Variants in NLRP9 observed in about 807,000 individuals in gnomAD.
The protein encoded by NLRP9 is NLR family pyrin domain containing 9.
Under a neutral mutation model 83.1 loss-of-function variants are expected in NLRP9, and 88 were observed. The observed-to-expected ratio is 1.06, with a 90% CI of 0.89 to 1.26. The LOEUF (loss-of-function observed/expected upper bound fraction) is 1.26. NLRP9 is among the 50% of genes most tolerant of loss of function. The pLI is 0.00. For synonymous variants in NLRP9, 521 were observed against 447.6 expected (o/e 1.16, Z -2.07); for missense variants, 1,308 against 1,179.3 (o/e 1.11, Z -1.60).
At chr19:55,721,692 G>A (rs921728555) in intron 4 of NLRP9, among the ~76,000 whole-genome samples, 3 of 152,134 alleles carry the variant, frequency 2.0e-5, no homozygotes, top group South Asian at 2.1e-4. Context: ...TCATCCTGTA[G>A]CTCCCATAAT....
intron 4 of NLRP9, among the ~76,000 whole-genome samples, chr19:55,720,626 G>A (rs2122302862): frequency 6.6e-6 from 1 of 152,196 alleles, no homozygotes; most frequent in South Asian, 2.1e-4. Context: ...CACCAAGCCT[G>A]GCAATGATTC....
chr19:55,734,616 CACACAT>C (rs1274839543), intron 1 of NLRP9, among the ~76,000 whole-genome samples: 1 of 97,856 alleles, frequency 1.0e-5, no homozygotes, highest in South Asian at 3.7e-4. Flanking sequence ...CACACACACA[CACACAT>C]ATATATATAT....
chr19:55,708,456 T>C lies in NLRP9; in HGVS notation c.*456A>G, dbSNP rs1233301226. ...GTAGAGATTTGGAAATGCTTTTTTATTGGACAAGAAAATTGATCAAATCGA... is the reference window on the plus strand; with the variant it reads ...GTAGAGATTTGGAAATGCTTTTTTACTGGACAAGAAAATTGATCAAATCGA... On this transcript the variant is annotated 3_prime_UTR_variant, in exon 9 of 9. Transcript: ENST00000332836. 6.6e-6 allele frequency: 1 copy of C among 152,634 alleles called. No homozygotes were observed. Among genetic ancestry groups the C allele is most frequent in the Non-Finnish European group, 1.5e-5 (1 of 68,328 alleles). 9.5% of individuals were successfully genotyped at this position (152,634 alleles called of 1,614,324 possible). A position where few individuals can be genotyped will look rare whatever the true frequency, so the allele number is the denominator to read the frequency against.
At chr19:55,723,209 G>A (rs545244331) in intron 4 of NLRP9, among the ~76,000 whole-genome samples, 1 of 152,198 alleles carries the variant, frequency 6.6e-6, no homozygotes, top group South Asian at 2.1e-4. Flanking sequence ...GTTAGGACAG[G>A]GGCTGCTCTG....
chr19:55,711,367 C>T, intron 8 of NLRP9: 1 of 1,179,894 alleles, frequency 8.5e-7, no homozygotes. Flanking sequence ...ATTTTCAGAA[C>T]AACGTTAACT....
intron 3 of NLRP9, 73 bp downstream of exon 3, chr19:55,729,758 C>A (rs927541400): frequency 3.1e-6 from 4 of 1,293,068 alleles, no homozygotes; most frequent in South Asian, 1.4e-5. Context: ...CATGGGTCTT[C>A]TTCCAAAAAG....
chr19:55,708,894 A>AC lies in NLRP9; in HGVS notation c.*17dup. ...CAAGGAAAGCCTTTGTGAGACGACTACTTCAGGGTGTTCCCCATCAGAGGA... is the reference window on the plus strand; with the variant it reads ...CAAGGAAAGCCTTTGTGAGACGACTACCTTCAGGGTGTTCCCCATCAGAGGA... On this transcript the variant is annotated 3_prime_UTR_variant, in exon 9 of 9. Coordinates refer to ENST00000332836, the MANE Select transcript of NLRP9 (RefSeq NM_176820.4). The AC allele has an allele frequency of 6.6e-7, 1 of 1,519,482 alleles. No homozygotes were observed. The allele number at this position is 1,519,482 out of a possible 1,614,324, so 94.1% of individuals were successfully genotyped here. A position where few individuals can be genotyped will look rare whatever the true frequency, so the allele number is the denominator to read the frequency against.
At chr19:55,713,993 T>C (rs1287972256) in intron 6 of NLRP9, among the ~76,000 whole-genome samples, 2 of 143,194 alleles carry the variant, frequency 1.4e-5, no homozygotes, top group Non-Finnish European at 3.0e-5. Context: ...TGGGCTAAAA[T>C]GCCCCCATGT....
Position 55,729,624 on chromosome 19 carries a change from C to T in NLRP9, c.1994+207G>A, listed in dbSNP as rs140384919. 4.7e-3 allele frequency among the ~76,000 whole-genome samples: 711 copies of T among 152,040 alleles called. 3 individuals are homozygous for T. The highest frequency in any genetic ancestry group is 0.014 in the Middle Eastern group (4 of 294). On this transcript the variant is annotated intron_variant, in intron 3 of 8. Transcript: ENST00000332836. ...TGTATATGTGCCACATTTTCTTTAT[C>T]CAGTCTATCATTGATGGACATTTGG...
In NLRP9 at chr19:55,732,150, C is replaced by T; in HGVS notation, c.1681G>A (p.Val561Met). The change falls in exon 2 of 9, where the codon GTG (valine) becomes ATG (methionine). Residue 561 changes from valine (V) to methionine (M), a missense_variant. Coordinates refer to ENST00000332836, the MANE Select transcript of NLRP9 (RefSeq NM_176820.4). ...AAAACTTCTTCAAAGAAATTCATCA[C>T]TTTGGTTACAAATTCTTTTTCCTGA... Reference protein sequence around the residue: ...ETQEKEFVTKVMNFFEEVFIY... With the variant: ...ETQEKEFVTKMMNFFEEVFIY... The T allele has an allele frequency of 6.2e-7, 1 of 1,613,208 alleles. No homozygotes were observed. Among genetic ancestry groups the T allele is most frequent in the Non-Finnish European group, 8.5e-7 (1 of 1,179,742 alleles).
intron 4 of NLRP9, among the ~76,000 whole-genome samples, chr19:55,718,316 G>C (rs952489544): frequency 7.2e-5 from 11 of 152,184 alleles, no homozygotes; most frequent in African/African-American, 2.4e-4. Flanking sequence ...CACCCGTAAA[G>C]GGTCTGTGCT....
chr19:55,713,436 A>G (rs755035259), intron 6 of NLRP9, among the ~76,000 whole-genome samples: 5 of 151,646 alleles, frequency 3.3e-5, no homozygotes, highest in Non-Finnish European at 5.9e-5. Context: ...TCACACATAT[A>G]TATGTATGTG....
At chr19:55,727,777 A>G (rs1988444543) in intron 3 of NLRP9, among the ~76,000 whole-genome samples, 1 of 152,132 alleles carries the variant, frequency 6.6e-6, no homozygotes, top group African/African-American at 2.4e-5. Context: ...GTGAGGGTAA[A>G]CGCATCCCCA....
intron 4 of NLRP9, among the ~76,000 whole-genome samples, chr19:55,723,288 C>A (rs1466587970): frequency 6.6e-6 from 1 of 152,114 alleles, no homozygotes; most frequent in Non-Finnish European, 1.5e-5. Context: ...CTGTCAACTG[C>A]CAAATCAGAC....
At chr19:55,711,314 A>G (rs1017696630) in intron 8 of NLRP9, 30 of 954,696 alleles carry the variant, frequency 3.1e-5, no homozygotes, top group Non-Finnish European at 3.8e-5. Context: ...TAAAAAATTC[A>G]TCCTACAGAT....
intron 3 of NLRP9, among the ~76,000 whole-genome samples, chr19:55,724,754 T>G (rs1988348296): frequency 6.6e-6 from 1 of 152,106 alleles, no homozygotes; most frequent in Non-Finnish European, 1.5e-5. Flanking sequence ...ATGAAAGATA[T>G]GGTCATGGTA....
intron 6 of NLRP9, among the ~76,000 whole-genome samples, chr19:55,713,970 A>C (rs915182470): frequency 1.5e-5 from 2 of 137,060 alleles, no homozygotes; most frequent in African/African-American, 2.8e-5. Flanking sequence ...AGCCCCAACA[A>C]CACAGAATGA....
intron 4 of NLRP9, among the ~76,000 whole-genome samples, chr19:55,720,775 C>G (rs1988200932): frequency 6.6e-6 from 1 of 152,110 alleles, no homozygotes; most frequent in Admixed American, 6.5e-5. Flanking sequence ...TGTATTTGAC[C>G]TAGGATTCAT....
At chr19:55,716,954 C>A in intron 4 of NLRP9, 56 bp from the exon 5 acceptor site, 2 of 1,444,862 alleles carry the variant, frequency 1.4e-6, no homozygotes, top group Non-Finnish European at 9.7e-7. Context: ...GCTCATGAAA[C>A]ATTATCCACA....
Sources: allele counts gnomAD v4.1 joint callset (sites outside exome capture counted in the v4.1 genomes callset), GRCh38; gene constraint gnomAD v4.1.1; transcripts MANE v1.5; gene names NCBI Gene and HGNC (gene_info 2026-07-23, HGNC 2026-07-21).